Variants in ENDOV observed in about 807,000 individuals in gnomAD.
ENDOV encodes the protein hEndoV.
ENDOV carries 37 observed loss-of-function variants against 39.4 expected under a neutral mutation model. The observed-to-expected ratio is 0.94, with a 90% CI of 0.72 to 1.23. The LOEUF (loss-of-function observed/expected upper bound fraction) is 1.23. ENDOV is among the 50% of genes most tolerant of loss of function. The probability of loss-of-function intolerance (pLI) is 0.00; values close to 1 mark genes in which losing one functional copy is unlikely to be tolerated. For missense variants in ENDOV, 441 were observed against 375.7 expected, an observed-to-expected ratio of 1.17 and a Z score of -1.44; for synonymous variants, 186 against 163.4, an observed-to-expected ratio of 1.14 and a Z score of -1.05.
chr17:80,423,646 T>C lies in ENDOV; in HGVS notation c.516+14T>C. ...CACAAGGAGAAGGTGAGGAGGGGCCTGCTGCAGGCCATGCCCGGCAGCTCA... is the reference window on the plus strand; with the variant it reads ...CACAAGGAGAAGGTGAGGAGGGGCCCGCTGCAGGCCATGCCCGGCAGCTCA... On this transcript the variant is annotated intron_variant, in intron 5 of 9. Transcript: ENST00000518137. 6.5e-7 allele frequency: 1 copy of C among 1,548,544 alleles called. No homozygotes were observed. Among genetic ancestry groups the C allele is most frequent in the African/African-American group, 1.4e-5 (1 of 73,124 alleles).
intron 6 of ENDOV, 167 bp from the exon 7 acceptor site, chr17:80,425,325 C>A: frequency 9.3e-7 from 1 of 1,072,900 alleles, no homozygotes; most frequent in Non-Finnish European, 1.3e-6. Flanking sequence ...GGACAAGCAG[C>A]AGGAAGGCGC....
At chr17:80,430,226 C>A (rs938448955) in intron 9 of ENDOV, 40 of 1,469,840 alleles carry the variant, frequency 2.7e-5, no homozygotes, top group Non-Finnish European at 3.5e-5. Flanking sequence ...ATCCTGAGAG[C>A]GCATGAGACG....
intron 4 of ENDOV, 46 bp downstream of exon 4, chr17:80,422,291 CG>C (rs1568222829): frequency 1.2e-6 from 2 of 1,605,496 alleles, no homozygotes; most frequent in Admixed American, 1.7e-5. Context: ...TGGGGAAGAG[CG>C]GGGGGAGAGG....
rs765656807 is a variant in ENDOV, at chr17:80,437,854, GA to G, written c.*1713del. 6.6e-6 allele frequency: 1 copy of G among 152,252 alleles called. No individual in the cohort carries two copies. Among genetic ancestry groups the G allele is most frequent in the Non-Finnish European group, 1.5e-5 (1 of 68,050 alleles). The allele number at this position is 152,252 out of a possible 1,614,324, so 9.4% of individuals were successfully genotyped here. A position where few individuals can be genotyped will look rare whatever the true frequency, so the allele number is the denominator to read the frequency against. On this transcript the variant is annotated 3_prime_UTR_variant, in exon 10 of 10. Coordinates refer to ENST00000518137, the MANE Select transcript of ENDOV (RefSeq NM_173627.5). Reference sequence around the variant, plus strand: ...ATTATGCTTCTGTAATCTGTAACCAGAAGTGCTCTTATGCCCAAACCTTGAT... The same window carrying G: ...ATTATGCTTCTGTAATCTGTAACCAGAGTGCTCTTATGCCCAAACCTTGAT...
At chr17:80,435,891 CA>C (rs2083565361) in intron 9 of ENDOV, among the ~76,000 whole-genome samples, 2 of 151,992 alleles carry the variant, frequency 1.3e-5, no homozygotes, top group Non-Finnish European at 2.9e-5. Flanking sequence ...GCTGGGATTA[CA>C]GGCGTGAGCC....
At chr17:80,419,453 G>C in intron 2 of ENDOV, 1 of 635,424 alleles carries the variant, frequency 1.6e-6, no homozygotes, top group East Asian at 2.8e-5. Context: ...CATGCCAGAT[G>C]CTGAGCGATG....
In ENDOV at chr17:80,418,871, C is replaced by T. The variant is rs1452762306; in HGVS notation, c.229-2957C>T. ...GGTATGTTAATTGTATCTCAGTAAA[C>T]CTGTTAGGAAAAAAAACAGGCCGGG... On this transcript the variant is annotated intron_variant, in intron 2 of 9. Transcript: ENST00000518137. 3 of 152,086 alleles carry T rather than the reference C, an allele frequency of 2.0e-5. No individual in the cohort carries two copies. The East Asian group carries it at 5.8e-4, about 29-fold the overall frequency. 9.4% of individuals were successfully genotyped at this position (152,086 alleles called of 1,614,324 possible).
chr17:80,422,255 CT>C lies in ENDOV; in HGVS notation c.403+11del. 6.2e-7 allele frequency: 1 copy of C among 1,613,542 alleles called. No individual in the cohort carries two copies. Among genetic ancestry groups the C allele is most frequent in the Non-Finnish European group, 8.5e-7 (1 of 1,179,776 alleles). ...GTACTCCACCACCGAGGTAATCCTGCTCTTGGAGGTCCAGGGAGGGCACTGT... is the reference window on the plus strand; with the variant it reads ...GTACTCCACCACCGAGGTAATCCTGCCTTGGAGGTCCAGGGAGGGCACTGT... On this transcript the variant is annotated intron_variant, in intron 4 of 9. Transcript: ENST00000518137.
At chr17:80,431,678 A>C (rs1373036440) in intron 9 of ENDOV, among the ~76,000 whole-genome samples, 4 of 152,210 alleles carry the variant, frequency 2.6e-5, no homozygotes, top group East Asian at 1.9e-4. Context: ...AGCCCTGGGC[A>C]CTTGGGCCTG....
At chr17:80,421,006 C>T (rs1009653291) in intron 2 of ENDOV, among the ~76,000 whole-genome samples, 13 of 149,834 alleles carry the variant, frequency 8.7e-5, no homozygotes, top group African/African-American at 2.9e-4. Flanking sequence ...CCTCCAACAA[C>T]CCATGGAGGG....
Position 80,421,787 on chromosome 17 carries a change from C to T in ENDOV, c.229-41C>T, listed in dbSNP as rs749408239. On this transcript the variant is annotated intron_variant, in intron 2 of 9. Coordinates refer to ENST00000518137, the MANE Select transcript of ENDOV (RefSeq NM_173627.5). Reference sequence around the variant, plus strand: ...ACGGACTGGGGATGGAGCAGGTGGCCGAAGGCTGTGCTTCCCACTGAGCTG... The same window carrying T: ...ACGGACTGGGGATGGAGCAGGTGGCTGAAGGCTGTGCTTCCCACTGAGCTG... 110 of 1,565,062 alleles carry T rather than the reference C, an allele frequency of 7.0e-5. 1 individual carries two copies. Among genetic ancestry groups the T allele is most frequent in the African/African-American group, 9.5e-5 (7 of 73,840 alleles).
intron 1 of ENDOV, 171 bp from the exon 2 acceptor site, chr17:80,415,479 G>A: frequency 9.5e-7 from 1 of 1,051,026 alleles, no homozygotes. Flanking sequence ...GCTTGCGCGG[G>A]TCTCCGCCGC....
chr17:80,419,306 A>G (rs1038231949), intron 2 of ENDOV: 45 of 415,340 alleles, frequency 1.1e-4, no homozygotes, highest in Non-Finnish European at 2.0e-4. Context: ...GGGCTGGAGA[A>G]CCACTGGCCT....
chr17:80,423,239 CG>C (rs2082283844), intron 4 of ENDOV, among the ~76,000 whole-genome samples: 1 of 152,220 alleles, frequency 6.6e-6, no homozygotes, highest in South Asian at 2.1e-4. Context: ...AGGAAATGAC[CG>C]GAGAGCTGCA....
intron 5 of ENDOV, chr17:80,424,076 C>G (rs574214519): frequency 5.1e-6 from 2 of 391,580 alleles, no homozygotes; most frequent in Non-Finnish European, 9.0e-6. Context: ...GCCACCCACA[C>G]TCTTCCTACC....
chr17:80,425,330 A>G, intron 6 of ENDOV, 162 bp from the exon 7 acceptor site: 2 of 1,097,152 alleles, frequency 1.8e-6, no homozygotes, highest in African/African-American at 1.6e-5. Flanking sequence ...AGCAGCAGGA[A>G]GGCGCCCTGA....
At chr17:80,433,235 A>G (rs2083432459) in intron 9 of ENDOV, 1 of 519,876 alleles carries the variant, frequency 1.9e-6, no homozygotes, top group Non-Finnish European at 3.8e-6. Flanking sequence ...AACGCATCCC[A>G]CAGGGGTCAG....
chr17:80,424,058 C>A lies in ENDOV; in HGVS notation c.516+426C>A, dbSNP rs1245059827. 26 of 397,630 alleles carry A rather than the reference C, an allele frequency of 6.5e-5. No homozygotes were observed. The East Asian group carries it at 9.4e-4, about 14-fold the overall frequency. The allele number at this position is 397,630 out of a possible 1,614,324, so 24.6% of individuals were successfully genotyped here. A position where few individuals can be genotyped will look rare whatever the true frequency, so the allele number is the denominator to read the frequency against. ...AGGCCCCCCTCCCGCCAAGACCTGC[C>A]TGGAGCTGCCACCCACACTCTTCCT... On this transcript the variant is annotated intron_variant, in intron 5 of 9. Coordinates refer to ENST00000518137, the MANE Select transcript of ENDOV (RefSeq NM_173627.5).
At chr17:80,420,168 G>A (rs41298688) in intron 2 of ENDOV, 2,325 of 158,168 alleles carry the variant, frequency 0.015, 60 homozygotes, top group African/African-American at 0.052. Context: ...CCTGTCCTGA[G>A]AATGACATTC....
Sources: allele counts gnomAD v4.1 joint callset (sites outside exome capture counted in the v4.1 genomes callset), GRCh38; gene constraint gnomAD v4.1.1; transcripts MANE v1.5; gene names NCBI Gene and HGNC (gene_info 2026-07-23, HGNC 2026-07-21).